The following TTLL6 variants were observed in gnomAD, a reference collection of about 807,000 sequenced individuals.
TTLL6 encodes the protein tubulin tyrosine ligase like 6.
Under a neutral mutation model 96.4 loss-of-function variants are expected in TTLL6, and 75 were observed. The observed-to-expected ratio is 0.78, with a 90% CI of 0.65 to 0.94. The LOEUF is 0.94. TTLL6 is among the 40% of genes least tolerant of loss of function. The pLI is 0.00. For missense variants in TTLL6, 1,030 were observed against 1,093.0 expected, an observed-to-expected ratio of 0.94 and a Z score of 0.81; for synonymous variants, 411 against 419.4, an observed-to-expected ratio of 0.98 and a Z score of 0.24.
In TTLL6 at chr17:48,769,406, A is replaced by G. The variant is rs2038686026; in HGVS notation, c.2411-152T>C. 3 of 1,018,402 alleles carry G rather than the reference A, an allele frequency of 2.9e-6. No individual in the cohort carries two copies. In the African/African-American group the frequency reaches 4.8e-5, roughly 16 times the overall value. The allele number at this position is 1,018,402 out of a possible 1,614,324, so 63.1% of individuals were successfully genotyped here. ...ATCAGCCATTGCTCCTTTTCTCCAA[A>G]TAGTTTTTCTTCCCCATTTTTTCAT... On this transcript the variant is annotated intron_variant, in intron 14 of 15. Transcript: ENST00000393382.
chr17:48,773,826 C>T (rs1197751105), intron 13 of TTLL6, among the ~76,000 whole-genome samples: 1 of 151,564 alleles, frequency 6.6e-6, no homozygotes, highest in Non-Finnish European at 1.5e-5. Context: ...CTTACGCCTG[C>T]AATCCCAGCA....
At chr17:48,785,896 A>G (rs982841726) in intron 12 of TTLL6, among the ~76,000 whole-genome samples, 2 of 152,170 alleles carry the variant, frequency 1.3e-5, no homozygotes, top group African/African-American at 2.4e-5. Flanking sequence ...GCCTCCCAGC[A>G]TGGCCTGGCT....
intron 13 of TTLL6, among the ~76,000 whole-genome samples, chr17:48,772,917 T>C (rs989266837): frequency 1.3e-5 from 2 of 151,968 alleles, no homozygotes; most frequent in Non-Finnish European, 2.9e-5. Flanking sequence ...AGCCAGAGGA[T>C]TGCTTGAGCC....
chr17:48,772,621 C>T (rs897351390), intron 13 of TTLL6, among the ~76,000 whole-genome samples: 6 of 151,690 alleles, frequency 4.0e-5, no homozygotes, highest in Non-Finnish European at 5.9e-5. Context: ...GTCCCAGCTA[C>T]TCGGGAGGCT....
intron 1 of TTLL6, among the ~76,000 whole-genome samples, chr17:48,811,331 A>C (rs2039589176): frequency 3.3e-5 from 5 of 151,908 alleles, no homozygotes; most frequent in Admixed American, 3.3e-4. Flanking sequence ...TGGCCACTCA[A>C]AGTGCTGGGA....
chr17:48,783,052 G>T lies in TTLL6; in HGVS notation c.2040+1871C>A, dbSNP rs574459150. On this transcript the variant is annotated intron_variant, in intron 13 of 15. Transcript: ENST00000393382. ...TTCAAAGAATAGAACAGACAGAATA[G>T]CACAGAATAGAAAATGTTAATTGAG... Among the ~76,000 whole-genome samples, 8 of 152,226 alleles carry T rather than the reference G, an allele frequency of 5.3e-5. No individual in the cohort carries two copies. The South Asian group carries it at 1.5e-3, about 28-fold the overall frequency.
chr17:48,811,315 C>T (rs1052215630), intron 1 of TTLL6, among the ~76,000 whole-genome samples: 2 of 151,938 alleles, frequency 1.3e-5, no homozygotes, highest in Non-Finnish European at 2.9e-5. Context: ...GGTGATCCAC[C>T]CACCTTGGCC....
intron 13 of TTLL6, among the ~76,000 whole-genome samples, chr17:48,777,729 T>TAA (rs1401793021): frequency 8.6e-6 from 1 of 116,458 alleles, no homozygotes. Context: ...AGACTCCGTC[T>TAA]CAAAAAAAAA....
At chr17:48,783,412 G>T (rs914686429) in intron 13 of TTLL6, among the ~76,000 whole-genome samples, 7 of 144,756 alleles carry the variant, frequency 4.8e-5, no homozygotes, top group African/African-American at 1.8e-4. Context: ...CACCTTAAGT[G>T]AATATTTTTT....
intron 13 of TTLL6, among the ~76,000 whole-genome samples, chr17:48,771,419 A>G (rs772004588): frequency 4.6e-5 from 7 of 152,240 alleles, no homozygotes; most frequent in Admixed American, 6.5e-5. Context: ...ACTTTAGGCC[A>G]GGAGTTTGAG....
chr17:48,780,125 A>C (rs575556), intron 13 of TTLL6, among the ~76,000 whole-genome samples: 80,892 of 151,924 alleles, frequency 0.53, 23,688 homozygotes, highest in East Asian at 0.77. Context: ...TATATAATCA[A>C]ATCATATTTA....
At chr17:48,784,863 A>G in intron 13 of TTLL6, 60 bp downstream of exon 13, 1 of 1,466,322 alleles carries the variant, frequency 6.8e-7, no homozygotes. Flanking sequence ...TTGGGGGTAG[A>G]GAAAGGACCA....
intron 1 of TTLL6, among the ~76,000 whole-genome samples, chr17:48,814,017 G>A (rs1228896723): frequency 6.6e-6 from 1 of 151,956 alleles, no homozygotes; most frequent in Non-Finnish European, 1.5e-5. Flanking sequence ...AAGTGCTTTA[G>A]AGAGTTTTTA....
rs947985021 is a variant in TTLL6, at chr17:48,793,544, G to A, written c.999-1941C>T. On this transcript the variant is annotated intron_variant, in intron 8 of 15. Coordinates refer to ENST00000393382, the MANE Select transcript of TTLL6 (RefSeq NM_001130918.3). ...GGAGTCGAAACTTTTGCAGTGAGCCGGGATCGCGCCATTGCACTCCAGTCT... is the reference window on the plus strand; with the variant it reads ...GGAGTCGAAACTTTTGCAGTGAGCCAGGATCGCGCCATTGCACTCCAGTCT... Among the ~76,000 whole-genome samples the A allele has an allele frequency of 3.3e-5, 5 of 151,698 alleles. No individual in the cohort carries two copies. The East Asian group carries it at 5.8e-4, about 18-fold the overall frequency.
Position 48,790,081 on chromosome 17 carries a change from G to C in TTLL6, c.1250C>G (p.Thr417Ser), listed in dbSNP as rs2039190912. Residue 417 changes from threonine (T) to serine (S), a missense_variant, in exon 10 of 16, where the codon ACC becomes AGC. Coordinates refer to ENST00000393382, the MANE Select transcript of TTLL6 (RefSeq NM_001130918.3). ...LEVNHSPSFS[T>S]DSRLDKEVKD... ...CACCTCTTTATCCAACCGAGAGTCG[G>C]TGGAGAAGCTTGGAGAGTGGTTGAC... The C allele has an allele frequency of 6.2e-7, 1 of 1,613,902 alleles. No individual in the cohort carries two copies. The highest frequency in any genetic ancestry group is 8.5e-7 in the Non-Finnish European group (1 of 1,179,962).
intron 1 of TTLL6, among the ~76,000 whole-genome samples, chr17:48,810,775 A>ATGTGTGTG (rs1274600186): frequency 1.1e-5 from 1 of 93,524 alleles, no homozygotes; most frequent in African/African-American, 4.1e-5. Context: ...CATATATAGT[A>ATGTGTGTG]TGTGTGTATA....
At chr17:48,812,504 T>C (rs1452180693) in intron 1 of TTLL6, among the ~76,000 whole-genome samples, 3 of 152,224 alleles carry the variant, frequency 2.0e-5, no homozygotes, top group Admixed American at 2.0e-4. Context: ...TGCCTTAGTT[T>C]CCTCATCTGT....
intron 6 of TTLL6, 117 bp from the exon 7 acceptor site, chr17:48,797,321 G>A: frequency 8.8e-7 from 1 of 1,133,594 alleles, no homozygotes; most frequent in Non-Finnish European, 1.2e-6. Flanking sequence ...TGTTGTGGAG[G>A]GCAGGCTTGT....
intron 1 of TTLL6, among the ~76,000 whole-genome samples, chr17:48,806,768 C>G (rs75685768): frequency 6.6e-6 from 1 of 152,044 alleles, no homozygotes; most frequent in Admixed American, 6.6e-5. Flanking sequence ...CGCTGGTTCA[C>G]GTCTGCAATC....
Sources: gnomAD v4.1 joint callset for allele counts (sites outside exome capture counted in the v4.1 genomes callset) on GRCh38, gnomAD v4.1.1 for gene constraint, MANE v1.5 for transcripts, NCBI Gene and HGNC (gene_info 2026-07-23, HGNC 2026-07-21) for gene names.